The following LSM1 variants were observed in gnomAD, a reference collection of about 807,000 sequenced individuals.
LSM1 encodes the protein LSM1 homolog, mRNA degradation associated.
Under a neutral mutation model 18.0 loss-of-function variants are expected in LSM1, and 13 were observed. That is an observed-to-expected ratio of 0.72 (90% CI 0.47 to 1.15). The LOEUF (loss-of-function observed/expected upper bound fraction) is 1.15. LSM1 is among the 50% of genes most tolerant of loss of function. LSM1 has a pLI of 0.00. For missense variants in LSM1, 152 were observed against 157.7 expected (o/e 0.96, Z 0.19); for synonymous variants, 46 against 56.0 (o/e 0.82, Z 0.80).
intron 1 of LSM1, among the ~76,000 whole-genome samples, chr8:38,172,906 G>A (rs1803054772): frequency 6.6e-6 from 1 of 152,210 alleles, no homozygotes; most frequent in Admixed American, 6.5e-5. Context: ...AGTAGAGAAT[G>A]AGACTTAGAA....
chr8:38,171,620 T>C (rs759315276), intron 2 of LSM1, among the ~76,000 whole-genome samples: 36 of 152,320 alleles, frequency 2.4e-4, no homozygotes, highest in Admixed American at 1.5e-3. Context: ...TGAGCCAAGA[T>C]TGTGCCACTG....
chr8:38,164,111 G>C (rs1203146399), intron 3 of LSM1, among the ~76,000 whole-genome samples: 1 of 152,178 alleles, frequency 6.6e-6, no homozygotes, highest in East Asian at 1.9e-4. Flanking sequence ...CTGAAGTGCA[G>C]TGGCGCAATC....
intron 1 of LSM1, 127 bp from the exon 2 acceptor site, chr8:38,172,160 T>TTGGAAAACTGAAAAAAGCAGCACA: frequency 1.5e-6 from 1 of 683,468 alleles, no homozygotes; most frequent in Non-Finnish European, 2.5e-6. Context: ...TTCAAGTTCA[T>TTGGAAAACTGAAAAAAGCAGCACA]TGGAAAACTG....
At chr8:38,164,708 A>G (rs1392531461) in intron 3 of LSM1, among the ~76,000 whole-genome samples, 1 of 151,988 alleles carries the variant, frequency 6.6e-6, no homozygotes, top group Non-Finnish European at 1.5e-5. Context: ...GTTCACCTAC[A>G]GTTCCAGCTA....
intron 3 of LSM1, among the ~76,000 whole-genome samples, chr8:38,168,136 G>T (rs890721335): frequency 6.6e-6 from 1 of 151,460 alleles, no homozygotes; most frequent in Non-Finnish European, 1.5e-5. Context: ...TAACTTTTTT[G>T]TATTTTAATA....
chr8:38,171,238 A>C (rs530403028), intron 2 of LSM1, among the ~76,000 whole-genome samples: 39 of 152,236 alleles, frequency 2.6e-4, no homozygotes, highest in Non-Finnish European at 5.1e-4. Flanking sequence ...CAATGTAGAA[A>C]TAAGCAGCCT....
At chr8:38,169,100 T>G (rs541891609) in intron 3 of LSM1, among the ~76,000 whole-genome samples, 1 of 152,242 alleles carries the variant, frequency 6.6e-6, no homozygotes, top group Non-Finnish European at 1.5e-5. Context: ...CTTGAAGAGA[T>G]TTTTATTTTC....
rs755027535 is a variant in LSM1 at position 38,163,755 on chromosome 8, T to C, written c.317A>G (p.Lys106Arg). The C allele has an allele frequency of 1.2e-6, 2 of 1,614,170 alleles. No individual in the cohort carries two copies. The highest frequency in any genetic ancestry group is 2.2e-5 in the South Asian group (2 of 91,080). Residue 106 changes from lysine to arginine, a missense_variant, in exon 4 of 4, where the codon AAG becomes AGG. Transcript: ENST00000311351. ...CACTTTCAACTTCTCTGCTTCCAGC[T>C]TGGTCTGCTGTTCCACCCTTTGTTC... is the stretch of plus-strand genomic sequence containing the variant. ...LEEQRVEQQT[K>R]LEAEKLKVQA... is the part of the protein sequence containing the mutation.
At chr8:38,171,830 T>C in intron 2 of LSM1, 135 bp downstream of exon 2, 1 of 672,482 alleles carries the variant, frequency 1.5e-6, no homozygotes, top group South Asian at 1.7e-5. Context: ...AACAATGATG[T>C]ACTCACTAAA....
At chr8:38,176,540 G>A (rs1803151296), upstream of LSM1, 2 of 578,428 alleles carry the variant, frequency 3.5e-6, no homozygotes, top group South Asian at 2.3e-5. Flanking sequence ...AGGAAGAGGC[G>A]GGGCAGCCGT....
chr8:38,163,687 T>C lies in LSM1; in HGVS notation c.385A>G (p.Thr129Ala). The change falls in exon 4 of 4, where the codon ACT becomes GCT. Residue 129 changes from threonine (T) to alanine (A), a missense_variant. Coordinates refer to ENST00000311351, the MANE Select transcript of LSM1 (RefSeq NM_014462.3). ...DRGLSIPRAD[T>A]LDEY ...GCAAAAGATTAGTACTCATCAAGAGTATCTGCTCGAGGAATGGAAAGACCT... is the reference window on the plus strand; with the variant it reads ...GCAAAAGATTAGTACTCATCAAGAGCATCTGCTCGAGGAATGGAAAGACCT... The C allele has an allele frequency of 6.2e-7, 1 of 1,614,028 alleles. No individual in the cohort carries two copies. The highest frequency in any genetic ancestry group is 8.5e-7 in the Non-Finnish European group (1 of 1,179,990).
Position 38,169,833 on chromosome 8 carries a change from C to A in LSM1, c.200G>T (p.Arg67Ile). The change falls in exon 3 of 4, where the codon AGA becomes ATA. Residue 67 changes from arginine to isoleucine, a missense_variant. Physicochemically the swap from Arg to Ile is moderately conservative, Grantham distance 97. Coordinates refer to ENST00000311351, the MANE Select transcript of LSM1 (RefSeq NM_014462.3). ...GDIPRGIFVV[R>I]GENVVLLGEI... ...TCCTAGTAGGACCACATTTTCTCCT[C>A]TGACCACAAAAATCCCTCGAGGAAT... The A allele has an allele frequency of 6.2e-7, 1 of 1,613,644 alleles. No homozygotes were observed. Among genetic ancestry groups the A allele is most frequent in the Non-Finnish European group, 8.5e-7 (1 of 1,179,602 alleles).
chr8:38,167,260 A>G (rs908369962), intron 3 of LSM1, among the ~76,000 whole-genome samples: 1 of 152,254 alleles, frequency 6.6e-6, no homozygotes, highest in African/African-American at 2.4e-5. Context: ...AAACACACAC[A>G]TCTACTTAGA....
chr8:38,166,861 A>G (rs1802940244), intron 3 of LSM1, among the ~76,000 whole-genome samples: 1 of 152,226 alleles, frequency 6.6e-6, no homozygotes, highest in African/African-American at 2.4e-5. Context: ...GGCCTAATGC[A>G]CTGCCTCTTG....
rs1802875524 is a variant in LSM1 at position 38,163,484 on chromosome 8, A to AT, written c.*185dup. The AT allele has an allele frequency of 2.1e-5, 11 of 532,592 alleles. No individual in the cohort carries two copies. In the South Asian group the frequency reaches 3.2e-4, roughly 15 times the overall value. 33.0% of individuals were successfully genotyped at this position (532,592 alleles called of 1,614,324 possible). ...TATGCCACTGTTTCTTTAAACAGTG[A>AT]TTTTGTTATTAAAAAAAAAACCCAC... On this transcript the variant is annotated 3_prime_UTR_variant, in exon 4 of 4. Transcript: ENST00000311351.
At chr8:38,169,780 C>T in intron 3 of LSM1, 22 bp downstream of exon 3, 1 of 1,316,244 alleles carries the variant, frequency 7.6e-7, no homozygotes, top group Non-Finnish European at 1.1e-6. Flanking sequence ...AGATCTACAG[C>T]AGCTTAATAG....
chr8:38,172,131 C>A, intron 1 of LSM1, 98 bp from the exon 2 acceptor site: 1 of 822,284 alleles, frequency 1.2e-6, no homozygotes, highest in Non-Finnish European at 2.0e-6. Flanking sequence ...CTTCCTCGGC[C>A]AATGCATTTA....
chr8:38,169,756 TA>T (rs775086455), intron 3 of LSM1, 45 bp downstream of exon 3: 1 of 1,113,360 alleles, frequency 9.0e-7, no homozygotes. Context: ...GAAGTCTAAC[TA>T]GCATGAATAT....
At position 38,175,549 on chromosome 8, in the gene LSM1, G is replaced by A. The variant is rs979382470; in HGVS notation, c.46+726C>T. On this transcript the variant is annotated intron_variant, in intron 1 of 3. Transcript: ENST00000311351. Reference sequence around the variant, plus strand: ...ATGCACAGACGGAATTTAGAAAAAAGGAAAGCCAGAACAACTGCAGACGGT... The same window carrying A: ...ATGCACAGACGGAATTTAGAAAAAAAGAAAGCCAGAACAACTGCAGACGGT... Among the ~76,000 whole-genome samples the A allele has an allele frequency of 3.3e-5, 5 of 151,984 alleles. No individual in the cohort carries two copies. The East Asian group carries it at 5.8e-4, about 18-fold the overall frequency.
Sources: gnomAD v4.1 joint callset for allele counts (sites outside exome capture counted in the v4.1 genomes callset) on GRCh38, gnomAD v4.1.1 for gene constraint, MANE v1.5 for transcripts, NCBI Gene and HGNC (gene_info 2026-07-23, HGNC 2026-07-21) for gene names.